The following AP5Z1 variants were observed in gnomAD, a reference collection of about 807,000 sequenced individuals.
AP5Z1 encodes the protein adaptor related protein complex 5 subunit zeta 1.
AP5Z1 carries 106 observed loss-of-function variants against 83.0 expected under a neutral mutation model. That is an observed-to-expected ratio of 1.28 (90% confidence interval 1.09 to 1.50). The LOEUF (loss-of-function observed/expected upper bound fraction) is 1.50, where lower values mean the gene tolerates loss of function less well. Among genes scored for constraint, AP5Z1 ranks in the 40% most tolerant of loss-of-function variants. The pLI is 0.00. For missense variants in AP5Z1, 1,565 were observed against 1,094.2 expected (o/e 1.43, Z -6.07); for synonymous variants, 751 against 514.1 (o/e 1.46, Z -6.23).
At chr7:4,787,587 G>A in intron 10 of AP5Z1, 47 bp from the exon 11 acceptor site, 8 of 1,526,178 alleles carry the variant, frequency 5.2e-6, no homozygotes, top group Middle Eastern at 1.9e-4. Context: ...TCTGCCGCCT[G>A]CTCCACAGCT....
chr7:4,790,872 A>C lies in AP5Z1; in HGVS notation c.2138A>C (p.Gln713Pro), dbSNP rs747150957. 1.9e-6 allele frequency: 3 copies of C among 1,604,348 alleles called. No homozygotes were observed. The highest frequency in any genetic ancestry group is 2.5e-6 in the Non-Finnish European group (3 of 1,176,550). ...CTGACGAAGCTGGCCTCCCGGAGCC[A>C]AGATCTGATCCCCAGGTGCCTGGTC... ...TTLTKLASRSQDLIPRASLLL... is the reference protein window; with the variant it reads ...TTLTKLASRSPDLIPRASLLL... Residue 713 changes from glutamine (Q) to proline (P), a missense_variant, in exon 16 of 17, where the codon CAA becomes CCA. Physicochemically the swap from Gln to Pro is moderately conservative, Grantham distance 76 (BLOSUM62 -1). Transcript: ENST00000649063.
rs553736561 is a variant in AP5Z1 at position 4,787,885 on chromosome 7, C to G, written c.1454+109C>G. 4.0e-5 allele frequency: 54 copies of G among 1,339,586 alleles called. No individual in the cohort carries two copies. The East Asian group carries it at 1.3e-3, about 33-fold the overall frequency. The allele number at this position is 1,339,586 out of a possible 1,614,324, so 83.0% of individuals were successfully genotyped here. A position where few individuals can be genotyped will look rare whatever the true frequency, so the allele number is the denominator to read the frequency against. On this transcript the variant is annotated intron_variant, in intron 11 of 16. Coordinates refer to ENST00000649063, the MANE Select transcript of AP5Z1 (RefSeq NM_014855.3). ...CCTACACCGGGGACCCTCCTTCTTCCCCCCCCAACACCTGACCAGTCCTCC... is the reference window on the plus strand; with the variant it reads ...CCTACACCGGGGACCCTCCTTCTTCGCCCCCCAACACCTGACCAGTCCTCC...
rs1283575782 is a variant in AP5Z1 at position 4,792,907 on chromosome 7, G to C, written c.*1522G>C. ...GCTCATCCCGAAGCTCAGAGAGCGT[G>C]GGGCTGCCCCTAGGCTCGGAATGAG... On this transcript the variant is annotated 3_prime_UTR_variant, in exon 17 of 17. Coordinates refer to ENST00000649063, the MANE Select transcript of AP5Z1 (RefSeq NM_014855.3). 3 of 152,664 alleles carry C rather than the reference G, an allele frequency of 2.0e-5. No homozygotes were observed. Among genetic ancestry groups the C allele is most frequent in the Non-Finnish European group, 2.9e-5 (2 of 68,276 alleles). 9.5% of individuals were successfully genotyped at this position (152,664 alleles called of 1,614,324 possible). A position where few individuals can be genotyped will look rare whatever the true frequency, so the allele number is the denominator to read the frequency against.
intron 11 of AP5Z1, 132 bp downstream of exon 11, chr7:4,787,908 TC>T (rs1781605860): frequency 1.6e-6 from 2 of 1,244,302 alleles, no homozygotes; most frequent in African/African-American, 3.0e-5. Flanking sequence ...TGACCAGTCC[TC>T]CCCTGCAAAG....
intron 10 of AP5Z1, among the ~76,000 whole-genome samples, chr7:4,786,800 C>T (rs886090465): frequency 6.6e-6 from 1 of 151,742 alleles, no homozygotes; most frequent in Non-Finnish European, 1.5e-5. Context: ...GATGGAGTCT[C>T]ATTCCTGTCA....
rs1304874950 is a variant in AP5Z1 at position 4,786,243 on chromosome 7, C to G, written c.1133-7C>G. On this transcript the variant is annotated splice_region_variant and splice_polypyrimidine_tract_variant and intron_variant, in intron 9 of 16. Transcript: ENST00000649063. ...GACGTGTGCCCTGGCGGGCCCTGGTCTTGCAGGGGAAGCGGCTGCAGTGGA... is the reference window on the plus strand; with the variant it reads ...GACGTGTGCCCTGGCGGGCCCTGGTGTTGCAGGGGAAGCGGCTGCAGTGGA... The G allele has an allele frequency of 6.3e-7, 1 of 1,596,742 alleles. No individual in the cohort carries two copies. Among genetic ancestry groups the G allele is most frequent in the Non-Finnish European group, 8.5e-7 (1 of 1,170,010 alleles).
intron 5 of AP5Z1, 104 bp downstream of exon 5, chr7:4,783,902 G>C: frequency 8.1e-7 from 1 of 1,235,548 alleles, no homozygotes; most frequent in Middle Eastern, 2.1e-4. Flanking sequence ...CGTTCCGCGG[G>C]GTCCAGGACG....
In AP5Z1 at chr7:4,781,760, G is replaced by C; in HGVS notation, c.366+6G>C. 2 of 1,547,768 alleles carry C rather than the reference G, an allele frequency of 1.3e-6. No individual in the cohort carries two copies. The highest frequency in any genetic ancestry group is 1.8e-6 in the Non-Finnish European group (2 of 1,138,360). ...CCTCCGTTCTCTTGGCCCAGGTAGC[G>C]CAGCAGTCACCACCCCAGTTGGCAC... On this transcript the variant is annotated splice_donor_region_variant and intron_variant, in intron 3 of 16. Coordinates refer to ENST00000649063, the MANE Select transcript of AP5Z1 (RefSeq NM_014855.3).
rs1191139399 is a variant in AP5Z1, at chr7:4,786,312, G to T, written c.1195G>T (p.Glu399Ter). Residue 399 changes from glutamate to a stop codon, truncating the protein, a stop_gained, in exon 10 of 17, where the codon GAG (glutamate) becomes TAG (stop). Coordinates refer to ENST00000649063, the MANE Select transcript of AP5Z1 (RefSeq NM_014855.3). LOFTEE classifies it high-confidence loss of function. Reference protein sequence around the residue: ...YQHLFTRIPVEQFHSPMLAFE... With the variant: ...YQHLFTRIPV ...GCACCTGTTCACCAGGATCCCGGTG[G>T]AGCAGTTCCACAGCCCCATGCTGGC... The T allele has an allele frequency of 1.2e-6, 2 of 1,613,822 alleles. No individual in the cohort carries two copies. Among genetic ancestry groups the T allele is most frequent in the Non-Finnish European group, 1.7e-6 (2 of 1,179,820 alleles).
At chr7:4,788,570 G>A (rs965815770) in intron 12 of AP5Z1, 29 of 503,946 alleles carry the variant, frequency 5.8e-5, no homozygotes, top group East Asian at 1.9e-4. Context: ...TGGACAAACC[G>A]AGCCTGAGCC....
At position 4,789,188 on chromosome 7, in the gene AP5Z1, C is replaced by T. The variant is rs534219900; in HGVS notation, c.1707+237C>T. ...TCCCCAGTCCCCGTCCCATCCCCTTCATCCCGGCAGGCCACGTCCCCCAAT... is the reference window on the plus strand; with the variant it reads ...TCCCCAGTCCCCGTCCCATCCCCTTTATCCCGGCAGGCCACGTCCCCCAAT... On this transcript the variant is annotated intron_variant, in intron 13 of 16. Transcript: ENST00000649063. The T allele has an allele frequency of 2.3e-4, 111 of 479,172 alleles. 2 individuals carry two copies. In the South Asian group the frequency reaches 2.6e-3, roughly 11 times the overall value. 29.7% of individuals were successfully genotyped at this position (479,172 alleles called of 1,614,324 possible). A position where few individuals can be genotyped will look rare whatever the true frequency, so the allele number is the denominator to read the frequency against.
At position 4,783,353 on chromosome 7, in the gene AP5Z1, G is replaced by T; in HGVS notation, c.404G>T (p.Gly135Val). Residue 135 changes from glycine to valine, a missense_variant, in exon 4 of 17, where the codon GGC (glycine) becomes GTC (valine). Physicochemically the swap from Gly to Val is moderately radical, Grantham distance 109. Coordinates refer to ENST00000649063, the MANE Select transcript of AP5Z1 (RefSeq NM_014855.3). ...GAGGAGGTCAGAGCCGTGGGCCAGGGCGTGCTACGAGCGCTGGAGAGCCGG... is the reference window on the plus strand; with the variant it reads ...GAGGAGGTCAGAGCCGTGGGCCAGGTCGTGCTACGAGCGCTGGAGAGCCGG... ...RNEEVRAVGQGVLRALESRQP... is the reference protein window; with the variant it reads ...RNEEVRAVGQVVLRALESRQP... 1.9e-6 allele frequency: 3 copies of T among 1,612,882 alleles called. No individual in the cohort carries two copies. In the South Asian group the frequency reaches 3.3e-5, roughly 18 times the overall value.
At chr7:4,784,819 C>T (rs1781488131) in intron 6 of AP5Z1, 89 bp from the exon 7 acceptor site, 2 of 1,486,216 alleles carry the variant, frequency 1.3e-6, no homozygotes, top group East Asian at 2.5e-5. Flanking sequence ...GCGGCCTGTG[C>T]TCTCCTCCTG....
rs12701943 is a variant in AP5Z1, at chr7:4,786,708, T to C, written c.1311+280T>C. On this transcript the variant is annotated intron_variant, in intron 10 of 16. Transcript: ENST00000649063. ...TCTCACAGCACTGGGGCAGGGCTGC[T>C]GCCTGGTAGGATCCCTCCCCCGGGA... Among the ~76,000 whole-genome samples, 20,923 of 152,146 alleles carry C rather than the reference T, an allele frequency of 0.14. 1,896 individuals carry two copies. The highest frequency in any genetic ancestry group is 0.25 in the African/African-American group (10,366 of 41,498).
chr7:4,781,007 CAG>C (rs918149999), intron 1 of AP5Z1, among the ~76,000 whole-genome samples, 166 bp from the exon 2 acceptor site: 2 of 152,134 alleles, frequency 1.3e-5, no homozygotes, highest in African/African-American at 4.8e-5. Flanking sequence ...GGAACCAGCT[CAG>C]GGAATCAGCG....
chr7:4,783,965 C>T (rs532254920), intron 5 of AP5Z1, among the ~76,000 whole-genome samples, 167 bp downstream of exon 5: 7 of 152,258 alleles, frequency 4.6e-5, no homozygotes, highest in East Asian at 1.9e-4. Context: ...CCCCCTGACC[C>T]GTGTGGCTCT....
At chr7:4,777,216 G>T (rs889840213) in intron 1 of AP5Z1, among the ~76,000 whole-genome samples, 1 of 151,908 alleles carries the variant, frequency 6.6e-6, no homozygotes, top group Non-Finnish European at 1.5e-5. Context: ...AAAAATACTG[G>T]CATCTCAGCA....
rs780804997 is a variant in AP5Z1, at chr7:4,790,854, A to G, written c.2120A>G (p.Lys707Arg). ...ACCGTGCTGATGACCACGCTGACGAAGCTGGCCTCCCGGAGCCAAGATCTG... is the reference window on the plus strand; with the variant it reads ...ACCGTGCTGATGACCACGCTGACGAGGCTGGCCTCCCGGAGCCAAGATCTG... ...VVTVLMTTLT[K>R]LASRSQDLIP... is the part of the protein sequence containing the mutation. Residue 707 changes from lysine (K) to arginine (R), a missense_variant, in exon 16 of 17, where the codon AAG becomes AGG. Physicochemically the swap from Lys to Arg is conservative, Grantham distance 26. Transcript: ENST00000649063. 6.2e-7 allele frequency: 1 copy of G among 1,607,882 alleles called. No homozygotes were observed. Among genetic ancestry groups the G allele is most frequent in the Non-Finnish European group, 8.5e-7 (1 of 1,178,112 alleles).
In AP5Z1 at chr7:4,787,620, T is replaced by C; in HGVS notation, c.1312-14T>C. ...GCTCCGAGCCGTGTCCGAACCGCTG[T>C]GCTGTGCCCACAGTTCCTGGCCTGG... On this transcript the variant is annotated splice_polypyrimidine_tract_variant and intron_variant, in intron 10 of 16. Transcript: ENST00000649063. 6.5e-7 allele frequency: 1 copy of C among 1,549,216 alleles called. No individual in the cohort carries two copies. Among genetic ancestry groups the C allele is most frequent in the Non-Finnish European group, 8.7e-7 (1 of 1,147,358 alleles).
Sources: gnomAD v4.1 joint callset for allele counts (sites outside exome capture counted in the v4.1 genomes callset) on GRCh38, gnomAD v4.1.1 for gene constraint, MANE v1.5 for transcripts, NCBI Gene and HGNC (gene_info 2026-07-23, HGNC 2026-07-21) for gene names.